Variants in USP25 observed in about 807,000 individuals in gnomAD.
USP25 encodes the protein ubiquitin specific peptidase 25, also known as ubiquitin carboxyl-terminal hydrolase 25.
In USP25, 85 loss-of-function variants were observed where a neutral mutation model predicts 158.5. The observed-to-expected ratio is 0.54, with a 90% CI of 0.45 to 0.64. The LOEUF is 0.64. Among genes scored for constraint, USP25 ranks in the 30% least tolerant of loss-of-function variants. The pLI, the probability that USP25 is intolerant of heterozygous loss-of-function variation, is 0.00. For missense variants in USP25, 1,242 were observed against 1,327.3 expected (o/e 0.94, Z 1.00); for synonymous variants, 464 against 460.4 (o/e 1.01, Z -0.10).
chr21:15,829,244 A>G (rs1042117619), intron 14 of USP25, among the ~76,000 whole-genome samples: 1 of 152,090 alleles, frequency 6.6e-6, no homozygotes, highest in Admixed American at 6.5e-5. Flanking sequence ...TTGGTGTAAG[A>G]TTATTTCATC....
rs1177685111 is a variant in USP25 at position 15,875,349 on chromosome 21, A to G, written c.3009+823A>G. Among the ~76,000 whole-genome samples, 1 of 152,182 alleles carries G rather than the reference A, an allele frequency of 6.6e-6. No individual in the cohort carries two copies. Among genetic ancestry groups the G allele is most frequent in the African/African-American group, 2.4e-5 (1 of 41,438 alleles). On this transcript the variant is annotated intron_variant, in intron 24 of 25. Coordinates refer to ENST00000400183, the MANE Select transcript of USP25 (RefSeq NM_001283041.3). This position sits in a 1 kb window ranked among gnomAD's most constrained non-coding sequence, Gnocchi z 4.7. ...TATAATGTTTCTCATCATTTTTTGT[A>G]GTAACCCAGCCACATTTGGTTATTT...
At chr21:15,835,262 A>T (rs769156855) in intron 17 of USP25, among the ~76,000 whole-genome samples, 13 of 152,316 alleles carry the variant, frequency 8.5e-5, no homozygotes, top group Middle Eastern at 3.4e-3. Context: ...ATTTTGTGAT[A>T]CCAAAATATT....
intron 10 of USP25, 81 bp from the exon 11 acceptor site, chr21:15,823,958 G>GCCCA (rs1245833606): frequency 1.5e-6 from 2 of 1,376,560 alleles, no homozygotes; most frequent in African/African-American, 2.9e-5. Context: ...CAATGTCAGT[G>GCCCA]CCCACATCCT....
intron 5 of USP25, among the ~76,000 whole-genome samples, chr21:15,796,434 CAT>C (rs2035865056): frequency 6.6e-6 from 1 of 151,320 alleles, no homozygotes; most frequent in Non-Finnish European, 1.5e-5. Flanking sequence ...GAAGGATAGT[CAT>C]AGAGTGAGCT....
intron 18 of USP25, among the ~76,000 whole-genome samples, chr21:15,846,723 C>T (rs2038635982): frequency 6.6e-6 from 1 of 152,080 alleles, no homozygotes; most frequent in African/African-American, 2.4e-5. Context: ...TGTTTTCAAG[C>T]ACCTTCAGTA....
chr21:15,805,867 T>C (rs1033697187), intron 7 of USP25, among the ~76,000 whole-genome samples: 3 of 152,066 alleles, frequency 2.0e-5, no homozygotes, highest in African/African-American at 7.2e-5. Flanking sequence ...ATAGCGGCAA[T>C]GTGTAATGGC....
At chr21:15,849,395 T>C (rs2038782181) in intron 19 of USP25, among the ~76,000 whole-genome samples, 1 of 152,132 alleles carries the variant, frequency 6.6e-6, no homozygotes, top group Non-Finnish European at 1.5e-5. Flanking sequence ...GGGAAGCAAA[T>C]TGAGTTCATG....
At chr21:15,820,203 G>A (rs2823499) in intron 10 of USP25, among the ~76,000 whole-genome samples, 30,020 of 152,016 alleles carry the variant, frequency 0.2, 4,567 homozygotes, top group African/African-American at 0.43. Context: ...GCTGTTAAAT[G>A]AAAGGATGAT....
intron 20 of USP25, among the ~76,000 whole-genome samples, chr21:15,863,085 T>C (rs1355867297): frequency 6.6e-6 from 1 of 152,032 alleles, no homozygotes; most frequent in Non-Finnish European, 1.5e-5. Context: ...AGAATTTACA[T>C]ATAAGTATAA....
At position 15,826,119 on chromosome 21, in the gene USP25, A is replaced by G. The variant is rs553437683; in HGVS notation, c.1305-85A>G. 42 of 1,365,754 alleles carry G rather than the reference A, an allele frequency of 3.1e-5. 1 individual carries two copies. In the East Asian group the frequency reaches 9.3e-4, roughly 30 times the overall value. The allele number at this position is 1,365,754 out of a possible 1,614,324, so 84.6% of individuals were successfully genotyped here. A position where few individuals can be genotyped will look rare whatever the true frequency, so the allele number is the denominator to read the frequency against. On this transcript the variant is annotated intron_variant, in intron 12 of 25. Transcript: ENST00000400183. The surrounding 1 kb of genome is among the most constrained non-coding windows in gnomAD (Gnocchi z 4.8). ...ATTGCTGAGGAAGTTTTATTGAAGT[A>G]TCGTATCACGTTTTATAATAATAAT...
At chr21:15,869,999 T>C (rs2039818519) in intron 22 of USP25, 69 bp from the exon 23 acceptor site, 8 of 1,206,342 alleles carry the variant, frequency 6.6e-6, no homozygotes, top group Non-Finnish European at 9.3e-6. Context: ...GTGCATTACT[T>C]TTTGTACAGT....
chr21:15,782,284 A>G (rs1012017145), intron 4 of USP25, among the ~76,000 whole-genome samples: 1 of 152,184 alleles, frequency 6.6e-6, no homozygotes, highest in Non-Finnish European at 1.5e-5. Flanking sequence ...CAGCTTGAAT[A>G]GCTGGCCCAG....
At chr21:15,732,411 AC>A (rs1274025211) in intron 1 of USP25, among the ~76,000 whole-genome samples, 1 of 152,248 alleles carries the variant, frequency 6.6e-6, no homozygotes, top group African/African-American at 2.4e-5. Flanking sequence ...ATACAAGTAA[AC>A]CATCTACCTC....
chr21:15,733,760 T>G (rs1456097727), intron 1 of USP25, among the ~76,000 whole-genome samples: 1 of 152,130 alleles, frequency 6.6e-6, no homozygotes, highest in Admixed American at 6.5e-5. Flanking sequence ...GAGAATCGCT[T>G]GAACTCGGGA....
intron 3 of USP25, among the ~76,000 whole-genome samples, chr21:15,774,455 A>G (rs1202144827): frequency 6.6e-6 from 1 of 152,182 alleles, no homozygotes. Context: ...CATTGTCAAC[A>G]GATACATTTG....
At chr21:15,800,498 T>G (rs1315710109) in intron 6 of USP25, among the ~76,000 whole-genome samples, 1 of 150,362 alleles carries the variant, frequency 6.7e-6, no homozygotes, top group East Asian at 2.0e-4. Flanking sequence ...TAGTAAGTAC[T>G]AGGTGTCAGC....
At chr21:15,760,841 T>A (rs2033680692) in intron 1 of USP25, among the ~76,000 whole-genome samples, 1 of 152,170 alleles carries the variant, frequency 6.6e-6, no homozygotes, top group Non-Finnish European at 1.5e-5. Flanking sequence ...TATTTCCTAA[T>A]AAAAAAGATA....
chr21:15,781,954 G>C (rs2034989774), intron 4 of USP25, among the ~76,000 whole-genome samples: 1 of 152,148 alleles, frequency 6.6e-6, no homozygotes, highest in African/African-American at 2.4e-5. Flanking sequence ...CCCACATCTG[G>C]AGTGCTTCCT....
At chr21:15,810,827 A>T (rs1175956325) in intron 8 of USP25, among the ~76,000 whole-genome samples, 2 of 152,200 alleles carry the variant, frequency 1.3e-5, no homozygotes, top group Middle Eastern at 6.3e-3. Context: ...TGTAATGATG[A>T]TAGGAAGAGC....
Sources: gnomAD v4.1 joint callset for allele counts (sites outside exome capture counted in the v4.1 genomes callset) on GRCh38, gnomAD v4.1.1 for gene constraint, Gnocchi (gnomAD v3.1) non-coding constraint, MANE v1.5 for transcripts, NCBI Gene and HGNC (gene_info 2026-07-23, HGNC 2026-07-21) for gene names.